Variants in DYNC2H1 observed in about 807,000 individuals in gnomAD.
The protein encoded by DYNC2H1 is dynein cytoplasmic 2 heavy chain 1, also known as cytoplasmic dynein 2 heavy chain 1.
Under a neutral mutation model 570.0 loss-of-function variants are expected in DYNC2H1, and 410 were observed. That is an observed-to-expected ratio of 0.72 (90% CI 0.66 to 0.78). The LOEUF is 0.78. Ranked by LOEUF, DYNC2H1 falls within the 30% of genes least tolerant of loss-of-function variation. The probability of loss-of-function intolerance (pLI) is 0.00; values close to 1 mark genes in which losing one functional copy is unlikely to be tolerated. For synonymous variants in DYNC2H1, 1,688 were observed against 1,677.6 expected (o/e 1.01, Z -0.15); for missense variants, 4,865 against 5,046.4 (o/e 0.96, Z 1.09).
chr11:103,384,262 A>G (rs1360836009), intron 83 of DYNC2H1, among the ~76,000 whole-genome samples: 3 of 152,146 alleles, frequency 2.0e-5, no homozygotes, highest in East Asian at 1.9e-4. Flanking sequence ...AACATTTGTC[A>G]TCGTAAAGTG....
rs1393306924 is a variant in DYNC2H1, at chr11:103,465,891, A to G, written c.12649-2698A>G. Among the ~76,000 whole-genome samples, 1 of 152,196 alleles carries G rather than the reference A, an allele frequency of 6.6e-6. No individual in the cohort carries two copies. Among genetic ancestry groups the G allele is most frequent in the Non-Finnish European group, 1.5e-5 (1 of 68,028 alleles). On this transcript the variant is annotated intron_variant, in intron 87 of 88. Coordinates refer to ENST00000375735, the MANE Select transcript of DYNC2H1 (RefSeq NM_001377.3). The surrounding 1 kb of genome is among the most constrained non-coding windows in gnomAD (Gnocchi z 4.9). The stretch of plus-strand genomic sequence containing the variant: ...ACATTCTATTGGTCAAAGCAATTTA[A>G]AAGACCAGCCCAAGTTCAAGGGGTA...
Position 103,261,006 on chromosome 11 carries a change from G to T in DYNC2H1, c.10695+1029G>T, listed in dbSNP as rs527766267. On this transcript the variant is annotated intron_variant, in intron 70 of 88. Coordinates refer to ENST00000375735, the MANE Select transcript of DYNC2H1 (RefSeq NM_001377.3). This position sits in a 1 kb window ranked among gnomAD's most constrained non-coding sequence, Gnocchi z 4.8. ...TAGCTTTGTAAAGGCAATTAATTCA[G>T]AGAAATAGAATTATTATGGTTCAAT... Among the ~76,000 whole-genome samples, 7 of 152,102 alleles carry T rather than the reference G, an allele frequency of 4.6e-5. No homozygotes were observed. The South Asian group carries it at 1.5e-3, about 32-fold the overall frequency.
intron 13 of DYNC2H1, among the ~76,000 whole-genome samples, chr11:103,131,334 C>T (rs1424500799): frequency 6.6e-6 from 1 of 152,050 alleles, no homozygotes; most frequent in Non-Finnish European, 1.5e-5. Flanking sequence ...AGCTCTGTCG[C>T]CCAGGCTGGA....
Position 103,243,026 on chromosome 11 carries a change from G to A in DYNC2H1, c.9820-667G>A, listed in dbSNP as rs553601445. Among the ~76,000 whole-genome samples the A allele has an allele frequency of 1.3e-4, 20 of 152,054 alleles. No homozygotes were observed. Among genetic ancestry groups the A allele is most frequent in the African/African-American group, 4.8e-4 (20 of 41,486 alleles). On this transcript the variant is annotated intron_variant, in intron 63 of 88. Coordinates refer to ENST00000375735, the MANE Select transcript of DYNC2H1 (RefSeq NM_001377.3). This position sits in a 1 kb window ranked among gnomAD's most constrained non-coding sequence, Gnocchi z 4.8. ...CTTCCTTTTTTTTAGAATTTAATTA[G>A]TGCAGGATGTTCTATAATGAATTTA...
chr11:103,253,138 A>G (rs1329659694), intron 65 of DYNC2H1, 147 bp from the exon 66 acceptor site: 5 of 617,356 alleles, frequency 8.1e-6, no homozygotes, highest in Non-Finnish European at 1.4e-5. Context: ...ACATTCTGCT[A>G]ATAGTATCTC....
At chr11:103,126,636 ATTT>A (rs35586253) in intron 12 of DYNC2H1, among the ~76,000 whole-genome samples, 15 of 112,808 alleles carry the variant, frequency 1.3e-4, no homozygotes, top group Admixed American at 8.8e-5. Context: ...TAGAACTCAT[ATTT>A]TTTTTTTTTT....
chr11:103,164,658 C>T (rs569237405), intron 30 of DYNC2H1, among the ~76,000 whole-genome samples: 67 of 152,252 alleles, frequency 4.4e-4, no homozygotes, highest in African/African-American at 1.5e-3. Flanking sequence ...CAAGTACCTA[C>T]GTTATCAAGT....
rs376556178 is a variant in DYNC2H1, at chr11:103,277,773, T to C, written c.10696-2575T>C. Reference sequence around the variant, plus strand: ...TGTTTAGGGACTCCCTGTCAGTCCATTGTTAAAATTTATGCCTTAAGTCTG... The same window carrying C: ...TGTTTAGGGACTCCCTGTCAGTCCACTGTTAAAATTTATGCCTTAAGTCTG... On this transcript the variant is annotated intron_variant, in intron 70 of 88. Coordinates refer to ENST00000375735, the MANE Select transcript of DYNC2H1 (RefSeq NM_001377.3). This position sits in a 1 kb window ranked among gnomAD's most constrained non-coding sequence, Gnocchi z 4.3. Among the ~76,000 whole-genome samples the C allele has an allele frequency of 6.6e-6, 1 of 152,294 alleles. No individual in the cohort carries two copies. Among genetic ancestry groups the C allele is most frequent in the East Asian group, 1.9e-4 (1 of 5,180 alleles).
At chr11:103,361,756 TAG>T (rs2135533718) in intron 83 of DYNC2H1, among the ~76,000 whole-genome samples, 1 of 152,178 alleles carries the variant, frequency 6.6e-6, no homozygotes, top group South Asian at 2.1e-4. Context: ...GAAAAAAATT[TAG>T]AGTTATTATA....
intron 82 of DYNC2H1, among the ~76,000 whole-genome samples, chr11:103,351,566 C>T (rs1293924784): frequency 6.6e-6 from 1 of 151,954 alleles, no homozygotes; most frequent in Non-Finnish European, 1.5e-5. Context: ...TTTTATTGTC[C>T]GTGTTTCCTC....
Position 103,280,967 on chromosome 11 carries a change from G to A in DYNC2H1, c.10761+554G>A, listed in dbSNP as rs1343941071. ...GGACCTCCCTTGAGCTGGAGCTAAC[G>A]AGACCATTTCTTGTCTGCTTACAAT... is the stretch of plus-strand genomic sequence containing the variant. On this transcript the variant is annotated intron_variant, in intron 71 of 88. Coordinates refer to ENST00000375735, the MANE Select transcript of DYNC2H1 (RefSeq NM_001377.3). This position sits in a 1 kb window ranked among gnomAD's most constrained non-coding sequence, Gnocchi z 4.7. Among the ~76,000 whole-genome samples the A allele has an allele frequency of 6.6e-6, 1 of 151,922 alleles. No individual in the cohort carries two copies. Among genetic ancestry groups the A allele is most frequent in the African/African-American group, 2.4e-5 (1 of 41,476 alleles).
At chr11:103,402,960 C>T (rs925279689) in intron 84 of DYNC2H1, 2 of 151,978 alleles carry the variant, frequency 1.3e-5, no homozygotes, top group Non-Finnish European at 2.9e-5. Context: ...ATTGCTATAC[C>T]TAGATTTATT....
At position 103,455,184 on chromosome 11, in the gene DYNC2H1, A is replaced by G. The variant is rs746451806; in HGVS notation, c.12457-2A>G. ...TATATGTTCATATTTCCCCCCCTCTAGAACTGGGTAGATAAAGCTGAAAAA... is the reference window on the plus strand; with the variant it reads ...TATATGTTCATATTTCCCCCCCTCTGGAACTGGGTAGATAAAGCTGAAAAA... On this transcript the variant is annotated splice_acceptor_variant, in intron 85 of 88. Transcript: ENST00000375735. LOFTEE classifies it high-confidence loss of function. 2 of 1,611,554 alleles carry G rather than the reference A, an allele frequency of 1.2e-6. No homozygotes were observed. Among genetic ancestry groups the G allele is most frequent in the South Asian group, 2.2e-5 (2 of 90,954 alleles).
intron 84 of DYNC2H1, among the ~76,000 whole-genome samples, chr11:103,417,272 G>T (rs532139335): frequency 6.6e-6 from 1 of 150,800 alleles, no homozygotes; most frequent in Non-Finnish European, 1.5e-5. Context: ...TTGAGACGGG[G>T]TTTCACCATG....
At position 103,261,584 on chromosome 11, in the gene DYNC2H1, C is replaced by T. The variant is rs976443200; in HGVS notation, c.10695+1607C>T. ...TCAGGAGTGGACCTCCTGCAAAGTC[C>T]AGCAGACCTGCAGCAGAGGGGCCTG... On this transcript the variant is annotated intron_variant, in intron 70 of 88. Coordinates refer to ENST00000375735, the MANE Select transcript of DYNC2H1 (RefSeq NM_001377.3). This position sits in a 1 kb window ranked among gnomAD's most constrained non-coding sequence, Gnocchi z 4.8. Among the ~76,000 whole-genome samples, 6 of 152,260 alleles carry T rather than the reference C, an allele frequency of 3.9e-5. No individual in the cohort carries two copies. The highest frequency in any genetic ancestry group is 2.1e-4 in the South Asian group (1 of 4,832).
At chr11:103,206,989 T>C (rs1862952720) in intron 52 of DYNC2H1, among the ~76,000 whole-genome samples, 1 of 152,088 alleles carries the variant, frequency 6.6e-6, no homozygotes, top group Non-Finnish European at 1.5e-5. Context: ...TTGTGCAATC[T>C]CGGCTCACTG....
chr11:103,473,286 A>ATTTT (rs35681061), intron 88 of DYNC2H1, among the ~76,000 whole-genome samples: 7 of 136,846 alleles, frequency 5.1e-5, no homozygotes, highest in African/African-American at 8.1e-5. Context: ...CATGAAACAG[A>ATTTT]TTTTTTTTTT....
At chr11:103,417,051 G>A (rs1943309594) in intron 84 of DYNC2H1, among the ~76,000 whole-genome samples, 1 of 152,154 alleles carries the variant, frequency 6.6e-6, no homozygotes. Flanking sequence ...GGTCATTAAG[G>A]AAATGCAAAT....
At chr11:103,433,124 T>C (rs931950188) in intron 84 of DYNC2H1, among the ~76,000 whole-genome samples, 2 of 152,102 alleles carry the variant, frequency 1.3e-5, no homozygotes, top group Non-Finnish European at 2.9e-5. Context: ...TTTATTCATC[T>C]CATGTATCAC....
Sources: allele counts gnomAD v4.1 joint callset (sites outside exome capture counted in the v4.1 genomes callset), GRCh38; gene constraint gnomAD v4.1.1; non-coding constraint Gnocchi (gnomAD v3.1); transcripts MANE v1.5; gene names NCBI Gene and HGNC (gene_info 2026-07-23, HGNC 2026-07-21).